ZNF205: variants seen among roughly 807,000 people sequenced by gnomAD.
ZNF205 encodes zinc finger protein 205.
In ZNF205, 32 loss-of-function variants were observed where a neutral mutation model predicts 53.6. The observed-to-expected ratio is 0.60, with a 90% CI of 0.45 to 0.80. ZNF205 has a LOEUF of 0.80. ZNF205 is among the 30% of genes least tolerant of loss of function. The probability of loss-of-function intolerance (pLI) is 0.00; values close to 1 mark genes in which losing one functional copy is unlikely to be tolerated. For missense variants in ZNF205, 836 were observed against 782.4 expected (o/e 1.07, Z -0.82); for synonymous variants, 382 against 334.3 (o/e 1.14, Z -1.56).
intron 6 of ZNF205, 47 bp from the exon 7 acceptor site, chr16:3,119,209 T>A: frequency 6.5e-7 from 1 of 1,536,890 alleles, no homozygotes; most frequent in East Asian, 2.3e-5. Context: ...CCTCCTGGGG[T>A]CCTTAGGGAA....
At chr16:3,116,583 G>C in intron 5 of ZNF205, 36 bp downstream of exon 5, 2 of 1,605,290 alleles carry the variant, frequency 1.2e-6, no homozygotes, top group South Asian at 2.2e-5. Flanking sequence ...TGGGGTGTTA[G>C]GGAGAGGTCC....
Position 3,119,246 on chromosome 16 carries a change from C to G in ZNF205, c.596-10C>G. 1 of 1,565,100 alleles carries G rather than the reference C, an allele frequency of 6.4e-7. No individual in the cohort carries two copies. Among genetic ancestry groups the G allele is most frequent in the Middle Eastern group, 1.7e-4 (1 of 5,794 alleles). On this transcript the variant is annotated splice_polypyrimidine_tract_variant and intron_variant, in intron 6 of 6. Coordinates refer to ENST00000219091, the MANE Select transcript of ZNF205 (RefSeq NM_001042428.2). Reference sequence around the variant, plus strand: ...CTCGTCCCTAGCTGGAAACGACTTTCTTTTTCCAGGAGCCGTCGAGGTGGG... The same window carrying G: ...CTCGTCCCTAGCTGGAAACGACTTTGTTTTTCCAGGAGCCGTCGAGGTGGG...
chr16:3,120,112 C>G lies in ZNF205; in HGVS notation c.1452C>G (p.Ser484Arg). The change falls in exon 7 of 7, where the codon AGC becomes AGG. Residue 484 changes from serine (S) to arginine (R), a missense_variant. Coordinates refer to ENST00000219091, the MANE Select transcript of ZNF205 (RefSeq NM_001042428.2). The stretch of plus-strand genomic sequence containing the variant: ...ACCACTGCCTCGACTGCGGCAAGAG[C>G]TTCAGCCACAGCTCGCACCTCACCG... The part of the protein sequence containing the change: ...KPYHCLDCGK[S>R]FSHSSHLTAH... 6.2e-7 allele frequency: 1 copy of G among 1,613,804 alleles called. No homozygotes were observed. The highest frequency in any genetic ancestry group is 8.5e-7 in the Non-Finnish European group (1 of 1,179,842).
In ZNF205 at chr16:3,120,043, C is replaced by CA; in HGVS notation, c.1385dup (p.Asn462LysfsTer153). The CA allele has an allele frequency of 6.2e-7, 1 of 1,613,048 alleles. No individual in the cohort carries two copies. The highest frequency in any genetic ancestry group is 8.5e-7 in the Non-Finnish European group (1 of 1,179,724). On this transcript the variant is annotated frameshift_variant, in exon 7 of 7. Transcript: ENST00000219091. LOFTEE classifies it high-confidence loss of function. ...GCGGCAAGTGCTTCAGCCAGCGTTCCAACCTCATCGCGCACAACCGCACAC... is the reference window on the plus strand; with the variant it reads ...GCGGCAAGTGCTTCAGCCAGCGTTCCAAACCTCATCGCGCACAACCGCACAC...
At position 3,120,240 on chromosome 16, in the gene ZNF205, C is replaced by T. The variant is rs1439463177; in HGVS notation, c.1580C>T (p.Thr527Ile). ...SNLHRHEKIH[T>I]TGPKALAMLM... ...CTGCACCGGCACGAGAAGATCCACA[C>T]CACCGGGCCCAAGGCCCTGGCCATG... The change falls in exon 7 of 7, where the codon ACC becomes ATC. Residue 527 changes from threonine (T) to isoleucine (I), a missense_variant. By Grantham distance (89) the Thr-to-Ile change is moderately conservative (BLOSUM62 -1). Coordinates refer to ENST00000219091, the MANE Select transcript of ZNF205 (RefSeq NM_001042428.2). 3 of 1,607,284 alleles carry T rather than the reference C, an allele frequency of 1.9e-6. No homozygotes were observed. Among genetic ancestry groups the T allele is most frequent in the Non-Finnish European group, 2.5e-6 (3 of 1,179,690 alleles).
chr16:3,116,566 G>C lies in ZNF205; in HGVS notation c.484+19G>C, dbSNP rs544365707. The C allele has an allele frequency of 2.2e-5, 36 of 1,610,672 alleles. No individual in the cohort carries two copies. Among genetic ancestry groups the C allele is most frequent in the East Asian group, 4.5e-5 (2 of 44,790 alleles). ...TCACTGGGTAAGCACTCGCCTGGAG[G>C]GGGGACTGGGGTGTTAGGGAGAGGT... On this transcript the variant is annotated intron_variant, in intron 5 of 6. Transcript: ENST00000219091.
rs569886091 is a variant in ZNF205, at chr16:3,115,840, C to G, written c.283C>G (p.Pro95Ala). Residue 95 changes from proline (P) to alanine (A), a missense_variant, in exon 4 of 7, where the codon CCC (proline) becomes GCC (alanine). By Grantham distance (27) the Pro-to-Ala change is conservative. Coordinates refer to ENST00000219091, the MANE Select transcript of ZNF205 (RefSeq NM_001042428.2). ...LFLPGGALPS[P>A]RIPVLSREGR... ...CTCTCCTCCCACAGCCCTCCCCTCC[C>G]CCCGGATCCCCGTGCTTTCCCGAGA... 6 of 1,613,846 alleles carry G rather than the reference C, an allele frequency of 3.7e-6. No individual in the cohort carries two copies. The highest frequency in any genetic ancestry group is 2.2e-5 in the East Asian group (1 of 44,870).
rs778528631 is a variant in ZNF205 at position 3,118,989 on chromosome 16, A to G, written c.569A>G (p.Glu190Gly). Residue 190 changes from glutamate to glycine, a missense_variant, in exon 6 of 7, where the codon GAG becomes GGG. By Grantham distance (98) the Glu-to-Gly change is moderately conservative. Transcript: ENST00000219091. ...ASGSSRQAGD[E>G]KEWRGACTGA... ...GGCTCCAGCCGGCAGGCAGGAGATG[A>G]GAAGGAGTGGAGAGGCGCGTGCACA... 1.2e-6 allele frequency: 2 copies of G among 1,613,404 alleles called. No individual in the cohort carries two copies. Among genetic ancestry groups the G allele is most frequent in the Admixed American group, 3.3e-5 (2 of 59,998 alleles).
rs760910808 is a variant in ZNF205 at position 3,113,445 on chromosome 16, C to G, written c.15C>G (p.Gly5=). 4.3e-6 allele frequency: 7 copies of G among 1,613,266 alleles called. No individual in the cohort carries two copies. Among genetic ancestry groups the G allele is most frequent in the Non-Finnish European group, 5.9e-6 (7 of 1,179,646 alleles). The change falls in exon 2 of 7, where the codon GGC becomes GGG. Residue 5 remains glycine, a synonymous_variant. Transcript: ENST00000219091. Reference sequence around the variant, plus strand: ...TGAAATAGAAAATGTCTGCAGACGGCGGAGGCATCCAGGACACCCAGGACA... The same window carrying G: ...TGAAATAGAAAATGTCTGCAGACGGGGGAGGCATCCAGGACACCCAGGACA... MSAD[G]GGIQDTQDKE... is the part of the protein sequence containing the mutation.
At chr16:3,116,734 T>C (rs937086268) in intron 5 of ZNF205, among the ~76,000 whole-genome samples, 187 bp downstream of exon 5, 1 of 152,160 alleles carries the variant, frequency 6.6e-6, no homozygotes, top group East Asian at 1.9e-4. Flanking sequence ...CCACAAGCCA[T>C]GTGTGGCTAC....
At chr16:3,115,700 C>T in intron 3 of ZNF205, 129 bp from the exon 4 acceptor site, 2 of 1,379,674 alleles carry the variant, frequency 1.4e-6, no homozygotes, top group South Asian at 1.4e-5. Context: ...GGCCCACAGC[C>T]CCCTGGCAGC....
rs566718320 is a variant in ZNF205, at chr16:3,118,751, C to T, written c.485-154C>T. ...GGCAGCCGCCAGGCAGGGGGCGGAC[C>T]CCCGACCCAGGGGGCCTTCTTGAAA... On this transcript the variant is annotated intron_variant, in intron 5 of 6. Transcript: ENST00000219091. 3.1e-3 allele frequency among the ~76,000 whole-genome samples: 471 copies of T among 152,308 alleles called. 2 individuals carry two copies. Among genetic ancestry groups the T allele is most frequent in the Admixed American group, 6.9e-3 (106 of 15,306 alleles).
intron 6 of ZNF205, 49 bp from the exon 7 acceptor site, chr16:3,119,207 G>A (rs778271495): frequency 1.1e-4 from 173 of 1,537,904 alleles, no homozygotes; most frequent in Non-Finnish European, 1.5e-4. Flanking sequence ...ACCCTCCTGG[G>A]GTCCTTAGGG....
chr16:3,116,093 A>T lies in ZNF205; in HGVS notation c.363+173A>T, dbSNP rs1957342126. 2.2e-5 allele frequency: 17 copies of T among 774,636 alleles called. No individual in the cohort carries two copies. In the South Asian group the frequency reaches 2.8e-4, roughly 13 times the overall value. The allele number at this position is 774,636 out of a possible 1,614,324, so 48.0% of individuals were successfully genotyped here. On this transcript the variant is annotated intron_variant, in intron 4 of 6. Transcript: ENST00000219091. ...CAAGGCCCATGGTCAGGCCTGGGCC[A>T]AAGCTGGAGGAGAAGCAGCAGGAAT... is the stretch of plus-strand genomic sequence containing the variant.
Position 3,119,852 on chromosome 16 carries a change from G to T in ZNF205, c.1192G>T (p.Ala398Ser), listed in dbSNP as rs1260877876. The T allele has an allele frequency of 4.3e-6, 7 of 1,613,066 alleles. No individual in the cohort carries two copies. The East Asian group carries it at 1.3e-4, about 31-fold the overall frequency. The change falls in exon 7 of 7, where the codon GCC becomes TCC. Residue 398 changes from alanine to serine, a missense_variant. By Grantham distance (99) the Ala-to-Ser change is moderately conservative (BLOSUM62 1). Transcript: ENST00000219091. ...GEKPYVCDRCAKRFTRRSDLV... is the reference protein window; with the variant it reads ...GEKPYVCDRCSKRFTRRSDLV... ...GAAGCCCTACGTGTGCGACCGCTGC[G>T]CCAAGCGCTTCACCCGCCGCTCGGA...
rs1957398313 is a variant in ZNF205 at position 3,119,774 on chromosome 16, A to G, written c.1114A>G (p.Ser372Gly). The G allele has an allele frequency of 6.2e-7, 1 of 1,613,200 alleles. No homozygotes were observed. Among genetic ancestry groups the G allele is most frequent in the African/African-American group, 1.3e-5 (1 of 74,652 alleles). Residue 372 changes from serine (S) to glycine (G), a missense_variant, in exon 7 of 7, where the codon AGC becomes GGC. Physicochemically the swap from Ser to Gly is moderately conservative, Grantham distance 56. Coordinates refer to ENST00000219091, the MANE Select transcript of ZNF205 (RefSeq NM_001042428.2). ...KPYTCPACRK[S>G]FSHHSTLIQH... Reference sequence around the variant, plus strand: ...CTACACCTGCCCCGCCTGCCGGAAGAGCTTCAGCCACCACTCCACGCTGAT... The same window carrying G: ...CTACACCTGCCCCGCCTGCCGGAAGGGCTTCAGCCACCACTCCACGCTGAT...
Position 3,119,865 on chromosome 16 carries a change from C to T in ZNF205, c.1205C>T (p.Thr402Ile), listed in dbSNP as rs1436917211. 6 of 1,613,208 alleles carry T rather than the reference C, an allele frequency of 3.7e-6. No individual in the cohort carries two copies. Among genetic ancestry groups the T allele is most frequent in the Non-Finnish European group, 3.4e-6 (4 of 1,179,806 alleles). ...YVCDRCAKRF[T>I]RRSDLVTHQG... Reference sequence around the variant, plus strand: ...TGCGACCGCTGCGCCAAGCGCTTCACCCGCCGCTCGGACTTGGTCACCCAC... The same window carrying T: ...TGCGACCGCTGCGCCAAGCGCTTCATCCGCCGCTCGGACTTGGTCACCCAC... The change falls in exon 7 of 7, where the codon ACC becomes ATC. Residue 402 changes from threonine to isoleucine, a missense_variant. Transcript: ENST00000219091.
chr16:3,116,672 C>G, intron 5 of ZNF205, 125 bp downstream of exon 5: 1 of 1,346,640 alleles, frequency 7.4e-7, no homozygotes, highest in Non-Finnish European at 1.0e-6. Context: ...CAGCACTGTT[C>G]TATGGAAACT....
intron 3 of ZNF205, 82 bp downstream of exon 3, chr16:3,115,650 C>A: frequency 6.9e-7 from 1 of 1,458,910 alleles, no homozygotes. Context: ...CCAGGTGGGG[C>A]TGAGGGTCTC....
Sources: gnomAD v4.1 joint callset for allele counts (sites outside exome capture counted in the v4.1 genomes callset) on GRCh38, gnomAD v4.1.1 for gene constraint, MANE v1.5 for transcripts, NCBI Gene and HGNC (gene_info 2026-07-23, HGNC 2026-07-21) for gene names.